Variants in ZNF316 observed in about 807,000 individuals in gnomAD.
The protein encoded by ZNF316 is zinc finger protein 316.
A neutral mutation model predicts 75.6 loss-of-function variants in ZNF316; 23 were observed. The observed-to-expected ratio is 0.30, with a 90% confidence interval of 0.22 to 0.43. ZNF316 has a LOEUF of 0.43. Ranked by LOEUF, ZNF316 falls within the 20% of genes least tolerant of loss-of-function variation. The pLI, the probability that ZNF316 is intolerant of heterozygous loss-of-function variation, is 1.00. For missense variants in ZNF316, 1,266 were observed against 1,409.4 expected (o/e 0.90, Z 1.63); for synonymous variants, 827 against 666.2 (o/e 1.24, Z -3.72).
At chr7:6,643,652 G>A (rs957319742) in intron 6 of ZNF316, among the ~76,000 whole-genome samples, 170 bp from the exon 7 acceptor site, 3 of 152,218 alleles carry the variant, frequency 2.0e-5, no homozygotes, top group African/African-American at 7.2e-5. Flanking sequence ...TTCTCTGGCT[G>A]GGATCTGGTC....
Position 6,637,630 on chromosome 7 carries a change from C to T in ZNF316, c.-431+183C>T, listed in dbSNP as rs1365199659. On this transcript the variant is annotated intron_variant, in intron 1 of 8. Coordinates refer to ENST00000382252, the MANE Select transcript of ZNF316 (RefSeq NM_001278559.2). This position sits in a 1 kb window ranked among gnomAD's most constrained non-coding sequence, Gnocchi z 6.2. ...AGTCGGAGCGGAACGCGGGTAGGGA[C>T]TTCCGCGGCAGCGCCCCCGCCTCCC... Among the ~76,000 whole-genome samples, 2 of 150,204 alleles carry T rather than the reference C, an allele frequency of 1.3e-5. No individual in the cohort carries two copies. The highest frequency in any genetic ancestry group is 4.9e-5 in the African/African-American group (2 of 41,172).
chr7:6,649,160 C>G (rs576840594), intron 8 of ZNF316, among the ~76,000 whole-genome samples: 1 of 152,306 alleles, frequency 6.6e-6, no homozygotes, highest in East Asian at 1.9e-4. Flanking sequence ...TGACTTTGAG[C>G]CTCTGATCGG....
intron 8 of ZNF316, among the ~76,000 whole-genome samples, chr7:6,648,022 C>T (rs1406935283): frequency 2.0e-5 from 3 of 152,204 alleles, no homozygotes; most frequent in South Asian, 4.1e-4. Context: ...TCACCACTGC[C>T]TCCCACACAG....
At position 6,642,568 on chromosome 7, in the gene ZNF316, G is replaced by A; in HGVS notation, c.159G>A (p.Val53=). The A allele has an allele frequency of 2.6e-6, 3 of 1,133,066 alleles. No individual in the cohort carries two copies. The East Asian group carries it at 9.6e-5, about 36-fold the overall frequency. The allele number at this position is 1,133,066 out of a possible 1,614,324, so 70.2% of individuals were successfully genotyped here. Residue 53 remains valine, a synonymous_variant, in exon 5 of 9, where the codon GTG becomes GTA. Transcript: ENST00000382252. This position sits in a 1 kb window ranked among gnomAD's most constrained non-coding sequence, Gnocchi z 8.1. The stretch of plus-strand genomic sequence containing the variant: ...AAGAAGAGGAGGAGGAGATAGTGGT[G>A]GAGGAGGAGGAGGAGGGTGTGGCAG... The part of the protein sequence containing the change: ...EVEEEEEEIV[V]EEEEEGVAEV...
In ZNF316 at chr7:6,653,496, G is replaced by A; in HGVS notation, c.1900G>A (p.Ala634Thr). 8.2e-7 allele frequency: 1 copy of A among 1,221,902 alleles called. No homozygotes were observed. Among genetic ancestry groups the A allele is most frequent in the Non-Finnish European group, 1.0e-6 (1 of 981,440 alleles). The allele number at this position is 1,221,902 out of a possible 1,614,324, so 75.7% of individuals were successfully genotyped here. The change falls in exon 9 of 9, where the codon GCG becomes ACG. Residue 634 changes from alanine to threonine, a missense_variant. Coordinates refer to ENST00000382252, the MANE Select transcript of ZNF316 (RefSeq NM_001278559.2). ...GCCGGTCGACGGGCGCCCGCTCCCG[G>A]CGCCCCTGGGGGGCCCGCTCTCCCT... Reference protein sequence around the residue: ...RLPVDGRPLPAPLGGPLSLVE... With the variant: ...RLPVDGRPLPTPLGGPLSLVE...
At position 6,653,232 on chromosome 7, in the gene ZNF316, G is replaced by A. The variant is rs1779546449; in HGVS notation, c.1636G>A (p.Asp546Asn). The A allele has an allele frequency of 3.3e-6, 4 of 1,225,522 alleles. No individual in the cohort carries two copies. The highest frequency in any genetic ancestry group is 4.1e-6 in the Non-Finnish European group (4 of 984,304). The allele number at this position is 1,225,522 out of a possible 1,614,324, so 75.9% of individuals were successfully genotyped here. A position where few individuals can be genotyped will look rare whatever the true frequency, so the allele number is the denominator to read the frequency against. Reference sequence around the variant, plus strand: ...AGAGGGATCTGAAGTTGGCGAGGCGGACGGAGAGGCGGAGGCCGCGGCCGA... The same window carrying A: ...AGAGGGATCTGAAGTTGGCGAGGCGAACGGAGAGGCGGAGGCCGCGGCCGA... ...GPEGSEVGEA[D>N]GEAEAAAEER... Residue 546 changes from aspartate to asparagine, a missense_variant, in exon 9 of 9, where the codon GAC (aspartate) becomes AAC (asparagine). Physicochemically the swap from Asp to Asn is conservative, Grantham distance 23. Transcript: ENST00000382252.
chr7:6,650,596 G>C (rs1779490706), intron 8 of ZNF316, among the ~76,000 whole-genome samples: 1 of 152,156 alleles, frequency 6.6e-6, no homozygotes, highest in African/African-American at 2.4e-5. Context: ...GACATGAGGG[G>C]CTACCCGAGG....
At chr7:6,638,875 G>A (rs1227664645) in intron 2 of ZNF316, among the ~76,000 whole-genome samples, 167 bp from the exon 3 acceptor site, 6 of 152,316 alleles carry the variant, frequency 3.9e-5, no homozygotes, top group African/African-American at 1.4e-4. Flanking sequence ...GGACTGGCAG[G>A]CTGGCAAGAA....
In ZNF316 at chr7:6,640,853, C is replaced by T. The variant is rs1399783633; in HGVS notation, c.-166-972C>T. On this transcript the variant is annotated intron_variant, in intron 3 of 8. Transcript: ENST00000382252. This position sits in a 1 kb window ranked among gnomAD's most constrained non-coding sequence, Gnocchi z 5.1. ...TTGTTTTAAAAGAGTGGGGCTTCCT[C>T]CCTCTCTCTTGCTGCCCCTTTGCCT... is the stretch of plus-strand genomic sequence containing the variant. Among the ~76,000 whole-genome samples, 2 of 152,180 alleles carry T rather than the reference C, an allele frequency of 1.3e-5. No homozygotes were observed. Among genetic ancestry groups the T allele is most frequent in the Admixed American group, 6.5e-5 (1 of 15,280 alleles).
At position 6,652,457 on chromosome 7, in the gene ZNF316, C is replaced by G. The variant is rs1243332506; in HGVS notation, c.861C>G (p.Asp287Glu). The change falls in exon 9 of 9, where the codon GAC (aspartate) becomes GAG (glutamate). Residue 287 changes from aspartate (D) to glutamate (E), a missense_variant. By Grantham distance (45) the Asp-to-Glu change is conservative (BLOSUM62 2). Coordinates refer to ENST00000382252, the MANE Select transcript of ZNF316 (RefSeq NM_001278559.2). ...GDVPGTWGPD[D>E]SDSAQTPEGW... ...TGCCTGGGACGTGGGGGCCCGACGA[C>G]TCGGATTCGGCGCAGACTCCAGAGG... The G allele has an allele frequency of 8.1e-7, 1 of 1,231,762 alleles. No homozygotes were observed. Among genetic ancestry groups the G allele is most frequent in the African/African-American group, 1.6e-5 (1 of 64,422 alleles). 76.3% of individuals were successfully genotyped at this position (1,231,762 alleles called of 1,614,324 possible).
At position 6,642,222 on chromosome 7, in the gene ZNF316, G is replaced by A. The variant is rs957187888; in HGVS notation, c.-28-160G>A. The A allele has an allele frequency of 4.8e-5, 19 of 399,818 alleles. No homozygotes were observed. The highest frequency in any genetic ancestry group is 4.3e-4 in the East Asian group (12 of 27,976). 24.8% of individuals were successfully genotyped at this position (399,818 alleles called of 1,614,324 possible). On this transcript the variant is annotated intron_variant, in intron 4 of 8. Coordinates refer to ENST00000382252, the MANE Select transcript of ZNF316 (RefSeq NM_001278559.2). The surrounding 1 kb of genome is among the most constrained non-coding windows in gnomAD (Gnocchi z 8.1). ...TGTCTTGATGGTGCAGGGTAAGATC[G>A]TGGGAAGGCCCGGTCCTCCCTCATC...
In ZNF316 at chr7:6,653,142, G is replaced by A; in HGVS notation, c.1546G>A (p.Gly516Ser). 1.7e-6 allele frequency: 2 copies of A among 1,174,432 alleles called. No homozygotes were observed. Among genetic ancestry groups the A allele is most frequent in the Non-Finnish European group, 1.1e-6 (1 of 951,622 alleles). The allele number at this position is 1,174,432 out of a possible 1,614,324, so 72.8% of individuals were successfully genotyped here. A position where few individuals can be genotyped will look rare whatever the true frequency, so the allele number is the denominator to read the frequency against. ...GGGCAEAGGD[G>S]PRREPGETAA... ...GGGCTGCGCGGAGGCGGGTGGTGACGGCCCCCGGCGGGAGCCCGGCGAGAC... is the reference window on the plus strand; with the variant it reads ...GGGCTGCGCGGAGGCGGGTGGTGACAGCCCCCGGCGGGAGCCCGGCGAGAC... Residue 516 changes from glycine to serine, a missense_variant, in exon 9 of 9, where the codon GGC (glycine) becomes AGC (serine). By Grantham distance (56) the Gly-to-Ser change is moderately conservative (BLOSUM62 0). Coordinates refer to ENST00000382252, the MANE Select transcript of ZNF316 (RefSeq NM_001278559.2).
Position 6,653,765 on chromosome 7 carries a change from C to T in ZNF316, c.2169C>T (p.Asp723=). ...GCGAGCGGCCGCATCGCTGCGCCGACTGCGGCAAGAGCTTCGTGTACGGCT... is the reference window on the plus strand; with the variant it reads ...GCGAGCGGCCGCATCGCTGCGCCGATTGCGGCAAGAGCTTCGTGTACGGCT... The part of the protein sequence containing the change: ...HAGERPHRCA[D]CGKSFVYGSH... Residue 723 remains aspartate, a synonymous_variant, in exon 9 of 9, where the codon GAC becomes GAT. Coordinates refer to ENST00000382252, the MANE Select transcript of ZNF316 (RefSeq NM_001278559.2). The T allele has an allele frequency of 1.8e-6, 2 of 1,092,066 alleles. No individual in the cohort carries two copies. The highest frequency in any genetic ancestry group is 2.2e-6 in the Non-Finnish European group (2 of 896,962). The allele number at this position is 1,092,066 out of a possible 1,614,324, so 67.6% of individuals were successfully genotyped here.
intron 8 of ZNF316, among the ~76,000 whole-genome samples, chr7:6,644,962 C>T (rs1359168003): frequency 1.3e-5 from 2 of 152,222 alleles, no homozygotes; most frequent in Non-Finnish European, 2.9e-5. Context: ...CCTCCTGCTT[C>T]TCCGCCCACT....
Position 6,642,478 on chromosome 7 carries a change from G to A in ZNF316, c.69G>A (p.Glu23=). 1 of 1,233,308 alleles carries A rather than the reference G, an allele frequency of 8.1e-7. No homozygotes were observed. Among genetic ancestry groups the A allele is most frequent in the Non-Finnish European group, 1.0e-6 (1 of 988,712 alleles). 76.4% of individuals were successfully genotyped at this position (1,233,308 alleles called of 1,614,324 possible). Residue 23 remains glutamate, a synonymous_variant, in exon 5 of 9, where the codon GAG becomes GAA. Transcript: ENST00000382252. This position sits in a 1 kb window ranked among gnomAD's most constrained non-coding sequence, Gnocchi z 8.1. ...AQLERAEDGS[E]CDPDQEEEEE... ...TGGAGCGGGCAGAGGACGGGTCAGA[G>A]TGCGACCCTGACCAGGAAGAAGAGG...
chr7:6,643,868 A>G lies in ZNF316; in HGVS notation c.512A>G (p.Glu171Gly). Residue 171 changes from glutamate to glycine, a missense_variant, in exon 7 of 9, where the codon GAG (glutamate) becomes GGG (glycine). Glu to Gly is a moderately conservative substitution (Grantham distance 98). Transcript: ENST00000382252. Reference protein sequence around the residue: ...EDVAVYFSLEEWERLEADQRG... With the variant: ...EDVAVYFSLEGWERLEADQRG... ...GTGGCTGTGTACTTCTCCCTGGAGG[A>G]GTGGGAAAGGCTGGAAGCAGACCAG... 1 of 1,238,576 alleles carries G rather than the reference A, an allele frequency of 8.1e-7. No homozygotes were observed. Among genetic ancestry groups the G allele is most frequent in the Non-Finnish European group, 1.0e-6 (1 of 992,254 alleles). The allele number at this position is 1,238,576 out of a possible 1,614,324, so 76.7% of individuals were successfully genotyped here.
rs1168111175 is a variant in ZNF316 at position 6,657,856 on chromosome 7, AAG to A, written c.*3246_*3247del. On this transcript the variant is annotated 3_prime_UTR_variant, in exon 9 of 9. Coordinates refer to ENST00000382252, the MANE Select transcript of ZNF316 (RefSeq NM_001278559.2). ...CAAAAAAAAAAAAAAAAAAAAAAAA[AAG>A]GTTCCCCGATAGAACTTATAGTTGA... is the stretch of plus-strand genomic sequence containing the variant. Among the ~76,000 whole-genome samples, 113 of 150,582 alleles carry A rather than the reference AAG, an allele frequency of 7.5e-4. 1 individual carries two copies. The highest frequency in any genetic ancestry group is 2.0e-3 in the African/African-American group (82 of 41,104).
intron 8 of ZNF316, among the ~76,000 whole-genome samples, chr7:6,646,069 C>T (rs900825292): frequency 2.6e-5 from 4 of 151,842 alleles, no homozygotes; most frequent in Non-Finnish European, 5.9e-5. Context: ...GGGGAAACGG[C>T]CCCCATGATC....
At position 6,652,750 on chromosome 7, in the gene ZNF316, G is replaced by A; in HGVS notation, c.1154G>A (p.Arg385His). The change falls in exon 9 of 9, where the codon CGC becomes CAC. Residue 385 changes from arginine (R) to histidine (H), a missense_variant. Around this residue, in one of 3 missense-constraint regions of ZNF316, gnomAD observed 961 missense variants for 990.9 expected, o/e 0.97. Coordinates refer to ENST00000382252, the MANE Select transcript of ZNF316 (RefSeq NM_001278559.2). ...GAGTGCGGCAAGGGCTTCGTGTACCGCTCGCACTTGGCCATCCACCAGCGC... is the reference window on the plus strand; with the variant it reads ...GAGTGCGGCAAGGGCTTCGTGTACCACTCGCACTTGGCCATCCACCAGCGC... ...CEECGKGFVY[R>H]SHLAIHQRTH... The A allele has an allele frequency of 7.9e-7, 1 of 1,258,082 alleles. No individual in the cohort carries two copies. Among genetic ancestry groups the A allele is most frequent in the South Asian group, 3.3e-5 (1 of 30,118 alleles). 77.9% of individuals were successfully genotyped at this position (1,258,082 alleles called of 1,614,324 possible).
Sources: allele counts gnomAD v4.1 joint callset (sites outside exome capture counted in the v4.1 genomes callset), GRCh38; gene constraint gnomAD v4.1.1; regional missense constraint gnomAD v4.1.1; non-coding constraint Gnocchi (gnomAD v3.1); transcripts MANE v1.5; gene names NCBI Gene and HGNC (gene_info 2026-07-23, HGNC 2026-07-21).